The following PIGQ variants were observed in gnomAD, a reference collection of about 807,000 sequenced individuals.
The protein encoded by PIGQ is phosphatidylinositol N-acetylglucosaminyltransferase subunit Q.
A neutral mutation model predicts 60.3 loss-of-function variants in PIGQ; 54 were observed. The ratio of observed to expected loss-of-function variants is 0.90; its 90% CI spans 0.72 to 1.12. PIGQ has a LOEUF of 1.12. Among genes scored for constraint, PIGQ ranks in the 50% most tolerant of loss-of-function variants. The pLI, the probability that PIGQ is intolerant of heterozygous loss-of-function variation, is 0.00. For missense variants in PIGQ, 799 were observed against 793.5 expected (o/e 1.01, Z -0.08); for synonymous variants, 416 against 363.7 (o/e 1.14, Z -1.64).
chr16:580,908 C>A lies in PIGQ; in HGVS notation c.1467C>A (p.Asp489Glu), dbSNP rs772709206. Residue 489 changes from aspartate (D) to glutamate (E), a missense_variant, in exon 9 of 11, where the codon GAC becomes GAA. Physicochemically the swap from Asp to Glu is conservative, Grantham distance 45. Transcript: ENST00000321878. ...AVQGLIHLLV[D>E]LINSLPLYSL... ...AGGGCCTGATCCATCTGCTCGTGGA[C>A]CTCATCAACTCCCTGCCGCTGTACT... 2 of 1,608,160 alleles carry A rather than the reference C, an allele frequency of 1.2e-6. No individual in the cohort carries two copies. Among genetic ancestry groups the A allele is most frequent in the Non-Finnish European group, 1.7e-6 (2 of 1,177,478 alleles).
In PIGQ at chr16:580,970, C is replaced by T. The variant is rs752541286; in HGVS notation, c.1529C>T (p.Ala510Val). The T allele has an allele frequency of 1.1e-5, 17 of 1,597,630 alleles. No homozygotes were observed. The highest frequency in any genetic ancestry group is 1.3e-5 in the Non-Finnish European group (15 of 1,166,898). ...CGGCTCTGCCGGCCCTACAGGCTGG[C>T]GGGTAAGTGCTGCGTATTGGGCAGC... ...GLRLCRPYRL[A>V]AGVKFRVLRH... Residue 510 changes from alanine to valine, a missense_variant and splice_region_variant, in exon 9 of 11, where the codon GCG becomes GTG. Physicochemically the swap from Ala to Val is moderately conservative, Grantham distance 64 (BLOSUM62 0). Coordinates refer to ENST00000321878, the MANE Select transcript of PIGQ (RefSeq NM_004204.5).
intron 5 of PIGQ, 83 bp from the exon 6 acceptor site, chr16:578,702 C>G (rs1241159408): frequency 5.2e-6 from 8 of 1,528,938 alleles, no homozygotes; most frequent in Middle Eastern, 1.7e-4. Flanking sequence ...CTACACGCAC[C>G]TCATGTCCTG....
intron 1 of PIGQ, among the ~76,000 whole-genome samples, chr16:573,653 G>A (rs7186917): frequency 6.6e-6 from 1 of 152,182 alleles, no homozygotes; most frequent in African/African-American, 2.4e-5. Context: ...AGTTCTCCTC[G>A]TGCTACACCT....
chr16:582,751 G>C, intron 10 of PIGQ, 132 bp from the exon 11 acceptor site: 1 of 1,004,324 alleles, frequency 1.0e-6, no homozygotes, highest in South Asian at 1.6e-5. Flanking sequence ...AACTGGGACT[G>C]GCTTCTCCCA....
Position 583,253 on chromosome 16 carries a change from G to T in PIGQ, c.*218G>T. 1 of 1,612,922 alleles carries T rather than the reference G, an allele frequency of 6.2e-7. No individual in the cohort carries two copies. Among genetic ancestry groups the T allele is most frequent in the Non-Finnish European group, 8.5e-7 (1 of 1,179,954 alleles). On this transcript the variant is annotated 3_prime_UTR_variant, in exon 11 of 11. Transcript: ENST00000321878. ...CCAGGCTGGCCGCACTCCATCACTG[G>T]CACTGCCTGCCTTGGGACCCGCTTC...
At chr16:571,585 TGTGTGTGTGTGGCTAGCCTGGCGCCC>T (rs2035630123) in intron 1 of PIGQ, among the ~76,000 whole-genome samples, 2 of 144,334 alleles carry the variant, frequency 1.4e-5, no homozygotes, top group African/African-American at 2.7e-5. Context: ...TGTGTGTGTG[TGTGTGTGTGTGGCTAGCCTGGCGCCC>T]GTGTGTGTGT....
At chr16:573,158 G>A (rs558488239) in intron 1 of PIGQ, among the ~76,000 whole-genome samples, 39 of 152,232 alleles carry the variant, frequency 2.6e-4, no homozygotes, top group Non-Finnish European at 5.0e-4. Context: ...CCTGGGAACC[G>A]CGGTAGCTCA....
intron 2 of PIGQ, 141 bp from the exon 3 acceptor site, chr16:575,698 C>A: frequency 1.2e-6 from 1 of 845,104 alleles, no homozygotes; most frequent in Non-Finnish European, 1.8e-6. Context: ...ACCACCTGGG[C>A]CACCGAGGGC....
intron 2 of PIGQ, among the ~76,000 whole-genome samples, chr16:575,074 A>T (rs778629755): frequency 6.6e-6 from 1 of 152,216 alleles, no homozygotes; most frequent in African/African-American, 2.4e-5. Context: ...GTGAGCACAG[A>T]CATGACTACT....
chr16:574,684 C>T lies in PIGQ; in HGVS notation c.610C>T (p.Leu204=), dbSNP rs913503961. 1.3e-5 allele frequency: 21 copies of T among 1,604,912 alleles called. No individual in the cohort carries two copies. Among genetic ancestry groups the T allele is most frequent in the Admixed American group, 8.4e-5 (5 of 59,844 alleles). The part of the protein sequence containing the change: ...EGVEASILAE[L]ARRASGPICL... ...CGTGGAGGCCAGCATCCTCGCGGAG[C>T]TGGCCAGGCGAGCCTCGGGACCCAT... is the stretch of plus-strand genomic sequence containing the variant. Residue 204 remains leucine (L), a synonymous_variant, in exon 2 of 11, where the codon CTG becomes TTG. Transcript: ENST00000321878.
chr16:580,327 C>A, intron 8 of PIGQ, 64 bp downstream of exon 8: 2 of 1,296,382 alleles, frequency 1.5e-6, no homozygotes, highest in Non-Finnish European at 2.2e-6. Context: ...GCCAGCGCTG[C>A]CTGGGAGCAG....
chr16:573,104 G>A (rs1205607087), intron 1 of PIGQ, among the ~76,000 whole-genome samples: 1 of 152,210 alleles, frequency 6.6e-6, no homozygotes, highest in African/African-American at 2.4e-5. Context: ...CTGGCTGCAT[G>A]GCTCCGCAGG....
chr16:571,514 GTGTGTGTCTGGCTAGCCTGGCGCC>G (rs1314155025), intron 1 of PIGQ, among the ~76,000 whole-genome samples: 469 of 131,774 alleles, frequency 3.6e-3, no homozygotes, highest in East Asian at 9.6e-3. Flanking sequence ...GTGTGTGTGT[GTGTGTGTCTGGCTAGCCTGGCGCC>G]TGTGTGTGTG....
Position 583,142 on chromosome 16 carries a change from G to C in PIGQ, c.*107G>C. The C allele has an allele frequency of 6.2e-7, 1 of 1,613,298 alleles. No individual in the cohort carries two copies. Among genetic ancestry groups the C allele is most frequent in the Non-Finnish European group, 8.5e-7 (1 of 1,179,980 alleles). ...GCATGTCCTGTGCTTTGTGGACGCT[G>C]CTGTGTGCTCCTGAACACGGCAGGC... On this transcript the variant is annotated 3_prime_UTR_variant, in exon 11 of 11. Transcript: ENST00000321878.
chr16:574,290 G>A lies in PIGQ; in HGVS notation c.216G>A (p.Glu72=), dbSNP rs772823319. The A allele has an allele frequency of 1.0e-4, 165 of 1,606,220 alleles. 2 individuals carry two copies. The South Asian group carries it at 1.8e-3, about 17-fold the overall frequency. ...VLGTWCHCRQ[E]PEESLGRFLE... is the part of the protein sequence containing the mutation. ...GCACCTGGTGCCACTGCCGGCAGGA[G>A]CCCGAGGAGAGCCTGGGCCGCTTCC... The change falls in exon 2 of 11, where the codon GAG becomes GAA. Residue 72 remains glutamate (E), a synonymous_variant. Transcript: ENST00000321878.
rs771475114 is a variant in PIGQ at position 583,605 on chromosome 16, C to T, written c.*570C>T. On this transcript the variant is annotated 3_prime_UTR_variant, in exon 11 of 11. Coordinates refer to ENST00000321878, the MANE Select transcript of PIGQ (RefSeq NM_004204.5). ...CCCTGAACCACACGGGGTTTATTTG[C>T]GGATGTTCCCTGGAGAGGTCGCTTT... 1.4e-5 allele frequency: 22 copies of T among 1,612,656 alleles called. No individual in the cohort carries two copies. Among genetic ancestry groups the T allele is most frequent in the East Asian group, 4.5e-5 (2 of 44,896 alleles).
chr16:581,840 T>G (rs1307841074), intron 9 of PIGQ: 4 of 280,392 alleles, frequency 1.4e-5, no homozygotes, highest in Non-Finnish European at 2.1e-5. Context: ...CTCAGCTCAC[T>G]GCAACCTTCG....
Position 580,862 on chromosome 16 carries a change from G to A in PIGQ, c.1421G>A (p.Arg474Gln), listed in dbSNP as rs368953625. The A allele has an allele frequency of 3.7e-5, 54 of 1,458,128 alleles. No individual in the cohort carries two copies. The highest frequency in any genetic ancestry group is 3.2e-4 in the East Asian group (14 of 44,290). The allele number at this position is 1,458,128 out of a possible 1,614,324, so 90.3% of individuals were successfully genotyped here. A position where few individuals can be genotyped will look rare whatever the true frequency, so the allele number is the denominator to read the frequency against. ...ALYYLVFTLL[R>Q]LLVVAVQGLI... ...CTAAATGCTCCTCTGCCACAGCTCC[G>A]GCTCCTGGTGGTCGCCGTGCAGGGC... The change falls in exon 9 of 11, where the codon CGG becomes CAG. Residue 474 changes from arginine to glutamine, a missense_variant. By Grantham distance (43) the Arg-to-Gln change is conservative. Transcript: ENST00000321878.
Position 573,421 on chromosome 16 carries a change from C to T in PIGQ, c.-9-645C>T, listed in dbSNP as rs149319459. On this transcript the variant is annotated intron_variant, in intron 1 of 10. Transcript: ENST00000321878. ...CGTGGGCGGGGGTCAGAGTGGAGGC[C>T]GAAGCCCTGTGTGCCCTGAGCAACG... Among the ~76,000 whole-genome samples the T allele has an allele frequency of 7.9e-4, 120 of 152,200 alleles. 7 individuals carry two copies. In the South Asian group the frequency reaches 0.014, roughly 18 times the overall value.
Sources: gnomAD v4.1 joint callset for allele counts (sites outside exome capture counted in the v4.1 genomes callset) on GRCh38, gnomAD v4.1.1 for gene constraint, MANE v1.5 for transcripts, NCBI Gene and HGNC (gene_info 2026-07-23, HGNC 2026-07-21) for gene names.